MYO1G: variants seen among roughly 807,000 people sequenced by gnomAD.
MYO1G encodes the protein unconventional myosin-Ig.
A neutral mutation model predicts 115.3 loss-of-function variants in MYO1G; 65 were observed. That is an observed-to-expected ratio of 0.56 (90% CI 0.46 to 0.69). The LOEUF (loss-of-function observed/expected upper bound fraction) is 0.69. Ranked by LOEUF, MYO1G falls within the 30% of genes least tolerant of loss-of-function variation. The pLI, the probability that MYO1G is intolerant of heterozygous loss-of-function variation, is 0.00. For synonymous variants in MYO1G, 510 were observed against 552.6 expected (o/e 0.92, Z 1.08); for missense variants, 1,204 against 1,393.5 (o/e 0.86, Z 2.16).
chr7:44,966,615 C>G lies in MYO1G; in HGVS notation c.1949+57G>C. On this transcript the variant is annotated intron_variant, in intron 15 of 21. Coordinates refer to ENST00000258787, the MANE Select transcript of MYO1G (RefSeq NM_033054.3). This position sits in a 1 kb window ranked among gnomAD's most constrained non-coding sequence, Gnocchi z 5.0. ...GTTTGGGGACCCTCTGCTCCTACCCCTTGGACTCCACACAGGGACTATGGC... is the reference window on the plus strand; with the variant it reads ...GTTTGGGGACCCTCTGCTCCTACCCGTTGGACTCCACACAGGGACTATGGC... 1 of 1,605,662 alleles carries G rather than the reference C, an allele frequency of 6.2e-7. No individual in the cohort carries two copies. The highest frequency in any genetic ancestry group is 8.5e-7 in the Non-Finnish European group (1 of 1,174,180).
chr7:44,965,089 C>T lies in MYO1G; in HGVS notation c.2382G>A (p.Arg794=). The change falls in exon 18 of 22, where the codon AGG becomes AGA. Residue 794 remains arginine (R), a splice_region_variant and synonymous_variant. Coordinates refer to ENST00000258787, the MANE Select transcript of MYO1G (RefSeq NM_033054.3). The part of the protein sequence containing the change: ...FQDTCHALFC[R]WRARQLVKNI... Reference sequence around the variant, plus strand: ...TCTTCACCAGCTGCCGGGCCCGCCACCTGGGAGAGGGCATGTAGTCAGACA... The same window carrying T: ...TCTTCACCAGCTGCCGGGCCCGCCATCTGGGAGAGGGCATGTAGTCAGACA... The T allele has an allele frequency of 2.5e-6, 4 of 1,604,236 alleles. No individual in the cohort carries two copies. Among genetic ancestry groups the T allele is most frequent in the Non-Finnish European group, 3.4e-6 (4 of 1,172,968 alleles).
rs1485901003 is a variant in MYO1G, at chr7:44,963,305, G to A, written c.2746-181C>T. ...CCTCTCGGGGCCCTGCTGACAGGGG[G>A]AAGCTTGGGCGGGACGCTGCACAAT... is the stretch of plus-strand genomic sequence containing the variant. On this transcript the variant is annotated intron_variant, in intron 20 of 21. Transcript: ENST00000258787. The surrounding 1 kb of genome is among the most constrained non-coding windows in gnomAD (Gnocchi z 4.1). 1.4e-5 allele frequency: 9 copies of A among 641,578 alleles called. No homozygotes were observed. In the African/African-American group the frequency reaches 1.6e-4, roughly 11 times the overall value. The allele number at this position is 641,578 out of a possible 1,614,324, so 39.7% of individuals were successfully genotyped here. A position where few individuals can be genotyped will look rare whatever the true frequency, so the allele number is the denominator to read the frequency against.
chr7:44,969,112 G>C lies in MYO1G; in HGVS notation c.1574+301C>G. 2.5e-5 allele frequency: 6 copies of C among 242,940 alleles called. No homozygotes were observed. The highest frequency in any genetic ancestry group is 5.4e-5 in the South Asian group (1 of 18,682). 15.0% of individuals were successfully genotyped at this position (242,940 alleles called of 1,614,324 possible). A position where few individuals can be genotyped will look rare whatever the true frequency, so the allele number is the denominator to read the frequency against. On this transcript the variant is annotated intron_variant, in intron 12 of 21. Coordinates refer to ENST00000258787, the MANE Select transcript of MYO1G (RefSeq NM_033054.3). The surrounding 1 kb of genome is among the most constrained non-coding windows in gnomAD (Gnocchi z 5.0). ...CTCCCTCCCCACCCCCACATCACCA[G>C]CCTGAAGCCCCCCACCCCACAGATG... is the stretch of plus-strand genomic sequence containing the variant.
Position 44,969,648 on chromosome 7 carries a change from G to A in MYO1G, c.1503+57C>T. 6.3e-7 allele frequency: 1 copy of A among 1,597,544 alleles called. No individual in the cohort carries two copies. Among genetic ancestry groups the A allele is most frequent in the Non-Finnish European group, 8.5e-7 (1 of 1,170,428 alleles). On this transcript the variant is annotated intron_variant, in intron 11 of 21. Transcript: ENST00000258787. The surrounding 1 kb of genome is among the most constrained non-coding windows in gnomAD (Gnocchi z 5.0). ...CCCCACGAGGCATGGGCAGCATGGTGCCTGTGGGGCAGGTCCCACCAGCCC... is the reference window on the plus strand; with the variant it reads ...CCCCACGAGGCATGGGCAGCATGGTACCTGTGGGGCAGGTCCCACCAGCCC...
chr7:44,962,823 G>C lies in MYO1G; in HGVS notation c.2973C>G (p.Ile991Met), dbSNP rs1487400233. The C allele has an allele frequency of 6.6e-7, 1 of 1,521,506 alleles. No individual in the cohort carries two copies. The highest frequency in any genetic ancestry group is 8.8e-7 in the Non-Finnish European group (1 of 1,139,584). The allele number at this position is 1,521,506 out of a possible 1,614,324, so 94.3% of individuals were successfully genotyped here. Reference protein sequence around the residue: ...PLSHRGVRRLISVEPRPEQPE... With the variant: ...PLSHRGVRRLMSVEPRPEQPE... ...GCTGCTCCGGCCTGGGCTCCACGGA[G>C]ATGAGGCGCCGGACCCCGCGATGGC... The change falls in exon 22 of 22, where the codon ATC (isoleucine) becomes ATG (methionine). Residue 991 changes from isoleucine (I) to methionine (M), a missense_variant. Ile to Met is a conservative substitution (Grantham distance 10). Transcript: ENST00000258787. The surrounding 1 kb of genome is among the most constrained non-coding windows in gnomAD (Gnocchi z 5.3).
At position 44,974,874 on chromosome 7, in the gene MYO1G, T is replaced by C. The variant is rs1583795157; in HGVS notation, c.618+300A>G. ...CCTGTAATCCCAGGGGAAGCCCACC[T>C]CGTGGGGAGCTTATTGTTCACAGAG... On this transcript the variant is annotated intron_variant, in intron 5 of 21. Transcript: ENST00000258787. The C allele has an allele frequency of 6.4e-6, 3 of 467,066 alleles. No homozygotes were observed. The East Asian group carries it at 1.2e-4, about 19-fold the overall frequency. 28.9% of individuals were successfully genotyped at this position (467,066 alleles called of 1,614,324 possible).
At chr7:44,965,965 C>T in intron 16 of MYO1G, 105 bp from the exon 17 acceptor site, 2 of 1,541,502 alleles carry the variant, frequency 1.3e-6, no homozygotes, top group South Asian at 1.1e-5. Context: ...CCTGGCCTGT[C>T]TCCATCAAGC....
Position 44,967,594 on chromosome 7 carries a change from G to T in MYO1G, c.1782+11C>A. 2.5e-6 allele frequency: 4 copies of T among 1,613,778 alleles called. No homozygotes were observed. Among genetic ancestry groups the T allele is most frequent in the Non-Finnish European group, 3.4e-6 (4 of 1,180,014 alleles). Reference sequence around the variant, plus strand: ...CCGGAACAGCCAGAGTGGGAGAGGGGTGGAACATACCTTGGAGGCAAGGTT... The same window carrying T: ...CCGGAACAGCCAGAGTGGGAGAGGGTTGGAACATACCTTGGAGGCAAGGTT... On this transcript the variant is annotated intron_variant, in intron 14 of 21. Coordinates refer to ENST00000258787, the MANE Select transcript of MYO1G (RefSeq NM_033054.3).
chr7:44,973,863 A>T (rs1223690190), intron 5 of MYO1G: 3 of 150,998 alleles, frequency 2.0e-5, no homozygotes, highest in African/African-American at 7.3e-5. Flanking sequence ...ATCCTGCCGG[A>T]GTCCCAGGGA....
At chr7:44,978,148 T>A (rs558269024) in intron 1 of MYO1G, among the ~76,000 whole-genome samples, 1 of 152,092 alleles carries the variant, frequency 6.6e-6, no homozygotes, top group African/African-American at 2.4e-5. Flanking sequence ...GCTTCCGGAG[T>A]ACACAGCGAG....
In MYO1G at chr7:44,964,141, G is replaced by T; in HGVS notation, c.2653C>A (p.Arg885=). ...VRKVNRFHKI[R]NRALLLTDQH... Reference sequence around the variant, plus strand: ...TCTGTGAGCAGGAGGGCCCGGTTCCGGATCTTGTGGAAGCGGTTCACCTGT... The same window carrying T: ...TCTGTGAGCAGGAGGGCCCGGTTCCTGATCTTGTGGAAGCGGTTCACCTGT... The change falls in exon 20 of 22, where the codon CGG becomes AGG. Residue 885 remains arginine, a synonymous_variant. Transcript: ENST00000258787. The surrounding 1 kb of genome is among the most constrained non-coding windows in gnomAD (Gnocchi z 5.1). The T allele has an allele frequency of 6.3e-7, 1 of 1,598,028 alleles. No homozygotes were observed. Among genetic ancestry groups the T allele is most frequent in the Non-Finnish European group, 8.5e-7 (1 of 1,172,280 alleles).
Position 44,969,818 on chromosome 7 carries a change from T to G in MYO1G, c.1390A>C (p.Ile464Leu), listed in dbSNP as rs1485581442. The change falls in exon 11 of 22, where the codon ATC (isoleucine) becomes CTC (leucine). Residue 464 changes from isoleucine (I) to leucine (L), a missense_variant. Coordinates refer to ENST00000258787, the MANE Select transcript of MYO1G (RefSeq NM_033054.3). The surrounding 1 kb of genome is among the most constrained non-coding windows in gnomAD (Gnocchi z 5.0). ...CAGGCCTCGTCCAGCACGGCCAGGATGCCACGGTGGGGCCGCTCCACCAGA... is the reference window on the plus strand; with the variant it reads ...CAGGCCTCGTCCAGCACGGCCAGGAGGCCACGGTGGGGCCGCTCCACCAGA... ...VDLVERPHRG[I>L]LAVLDEACSS... 6.2e-7 allele frequency: 1 copy of G among 1,613,206 alleles called. No homozygotes were observed. The highest frequency in any genetic ancestry group is 1.3e-5 in the African/African-American group (1 of 74,924).
chr7:44,975,831 C>T (rs998598181), intron 3 of MYO1G, among the ~76,000 whole-genome samples, 182 bp from the exon 4 acceptor site: 1 of 152,252 alleles, frequency 6.6e-6, no homozygotes, highest in East Asian at 1.9e-4. Context: ...GTGACGGTCA[C>T]TTCACCTCTG....
At position 44,970,066 on chromosome 7, in the gene MYO1G, C is replaced by T. The variant is rs545754641; in HGVS notation, c.1306G>A (p.Glu436Lys). 9.5e-5 allele frequency: 154 copies of T among 1,614,036 alleles called. No homozygotes were observed. The South Asian group carries it at 1.4e-3, about 15-fold the overall frequency. ...LILKQEQEEY[E>K]REGITWQSVE... is the part of the protein sequence containing the mutation. ...CTCTGCCAGGTGATGCCCTCGCGCTCGTACTCTTCCTGTTCCTGCTTCAGG... is the reference window on the plus strand; with the variant it reads ...CTCTGCCAGGTGATGCCCTCGCGCTTGTACTCTTCCTGTTCCTGCTTCAGG... Residue 436 changes from glutamate (E) to lysine (K), a missense_variant, in exon 10 of 22, where the codon GAG (glutamate) becomes AAG (lysine). Physicochemically the swap from Glu to Lys is moderately conservative, Grantham distance 56. Transcript: ENST00000258787.
intron 14 of MYO1G, 120 bp downstream of exon 14, chr7:44,967,485 C>A (rs1794867520): frequency 1.5e-6 from 2 of 1,353,324 alleles, no homozygotes; most frequent in South Asian, 2.6e-5. Context: ...CTCATACAGA[C>A]AGGACAAGAA....
At position 44,970,156 on chromosome 7, in the gene MYO1G, T is replaced by G; in HGVS notation, c.1218-2A>C. On this transcript the variant is annotated splice_acceptor_variant, in intron 9 of 21. Transcript: ENST00000258787. LOFTEE classifies it high-confidence loss of function. ...TAGTTGATGCAGAACTGCTCGAAACTGGGGGTGGGGTGGGCCTTTCAGAGG... is the reference window on the plus strand; with the variant it reads ...TAGTTGATGCAGAACTGCTCGAAACGGGGGGTGGGGTGGGCCTTTCAGAGG... The G allele has an allele frequency of 1.2e-6, 2 of 1,607,254 alleles. No individual in the cohort carries two copies. The highest frequency in any genetic ancestry group is 1.7e-6 in the Non-Finnish European group (2 of 1,174,300).
intron 3 of MYO1G, among the ~76,000 whole-genome samples, chr7:44,975,944 A>C (rs1224806299): frequency 6.6e-6 from 1 of 152,198 alleles, no homozygotes; most frequent in Non-Finnish European, 1.5e-5. Context: ...CCCAGGCCTC[A>C]GCTGCAGCCT....
At chr7:44,977,112 C>A (rs771471607) in intron 1 of MYO1G, 41 bp from the exon 2 acceptor site, 2 of 1,583,464 alleles carry the variant, frequency 1.3e-6, no homozygotes, top group Non-Finnish European at 1.7e-6. Flanking sequence ...CACAGGCTTA[C>A]AGGCACCCAC....
rs1273255112 is a variant in MYO1G at position 44,963,053 on chromosome 7, G to T, written c.2817C>A (p.Leu939=). The part of the protein sequence containing the change: ...VVLHARGQDD[L]VVCLHRSRPP... ...GCCGGGAGCGGTGCAGGCACACCAC[G>T]AGGTCGTCCTGGCCGCGGGCGTGCA... The change falls in exon 21 of 22, where the codon CTC becomes CTA. Residue 939 remains leucine, a synonymous_variant. Coordinates refer to ENST00000258787, the MANE Select transcript of MYO1G (RefSeq NM_033054.3). The surrounding 1 kb of genome is among the most constrained non-coding windows in gnomAD (Gnocchi z 4.1). The T allele has an allele frequency of 1.3e-6, 2 of 1,525,400 alleles. No homozygotes were observed. The highest frequency in any genetic ancestry group is 1.8e-6 in the Non-Finnish European group (2 of 1,141,542). 94.5% of individuals were successfully genotyped at this position (1,525,400 alleles called of 1,614,324 possible). A position where few individuals can be genotyped will look rare whatever the true frequency, so the allele number is the denominator to read the frequency against.
Sources: allele counts gnomAD v4.1 joint callset (sites outside exome capture counted in the v4.1 genomes callset), GRCh38; gene constraint gnomAD v4.1.1; non-coding constraint Gnocchi (gnomAD v3.1); transcripts MANE v1.5; gene names NCBI Gene and HGNC (gene_info 2026-07-23, HGNC 2026-07-21).